The following ERCC8 variants were observed in gnomAD, a reference collection of about 807,000 sequenced individuals.
ERCC8 encodes ERCC excision repair 8, CSA ubiquitin ligase complex subunit.
ERCC8 carries 52 observed loss-of-function variants against 54.9 expected under a neutral mutation model. That is an observed-to-expected ratio of 0.95 (90% CI 0.76 to 1.19). The LOEUF is 1.19. Among genes scored for constraint, ERCC8 ranks in the 50% most tolerant of loss-of-function variants. ERCC8 has a pLI of 0.00. For synonymous variants in ERCC8, 146 were observed against 157.2 expected, an observed-to-expected ratio of 0.93 and a Z score of 0.53; for missense variants, 514 against 466.1, an observed-to-expected ratio of 1.10 and a Z score of -0.95.
intron 11 of ERCC8, among the ~76,000 whole-genome samples, chr5:60,886,492 A>C (rs1748393592): frequency 1.3e-5 from 2 of 152,146 alleles, no homozygotes. Flanking sequence ...ACTTGAGGTC[A>C]GGAGTTGAAG....
chr5:60,878,354 A>C (rs1748084104), intron 11 of ERCC8, among the ~76,000 whole-genome samples: 1 of 152,142 alleles, frequency 6.6e-6, no homozygotes, highest in Non-Finnish European at 1.5e-5. Flanking sequence ...TGTCTCTGCC[A>C]GGCTTTGGTA....
chr5:60,906,119 T>C (rs1211664952), intron 4 of ERCC8, among the ~76,000 whole-genome samples: 2 of 152,176 alleles, frequency 1.3e-5, no homozygotes, highest in Non-Finnish European at 2.9e-5. Flanking sequence ...AAGTTATATA[T>C]CTTGTGCCTC....
chr5:60,896,567 T>C (rs1192178120), intron 9 of ERCC8, among the ~76,000 whole-genome samples: 5 of 152,176 alleles, frequency 3.3e-5, no homozygotes, highest in Non-Finnish European at 7.3e-5. Context: ...TTCTATCTGA[T>C]AGCCCTTTAA....
chr5:60,921,236 G>C (rs1215433137), intron 3 of ERCC8, among the ~76,000 whole-genome samples: 1 of 151,866 alleles, frequency 6.6e-6, no homozygotes, highest in East Asian at 1.9e-4. Context: ...ACAAACAATA[G>C]CAAATCTCCT....
At chr5:60,903,572 A>T in intron 6 of ERCC8, 76 bp downstream of exon 6, 1 of 1,596,518 alleles carries the variant, frequency 6.3e-7, no homozygotes, top group African/African-American at 1.3e-5. Context: ...CTTACAAAGA[A>T]TACACTGTTA....
intron 11 of ERCC8, among the ~76,000 whole-genome samples, chr5:60,883,712 G>A (rs570137267): frequency 2.6e-5 from 4 of 152,166 alleles, no homozygotes; most frequent in Non-Finnish European, 5.9e-5. Context: ...TCAAAACAAA[G>A]TAAGATTCTT....
chr5:60,876,293 G>C (rs1021635317), intron 11 of ERCC8, among the ~76,000 whole-genome samples: 5 of 152,144 alleles, frequency 3.3e-5, no homozygotes, highest in Non-Finnish European at 5.9e-5. Flanking sequence ...TGGACATTTG[G>C]GTTGGTTCCA....
At chr5:60,937,473 C>T (rs530964280) in intron 1 of ERCC8, among the ~76,000 whole-genome samples, 4 of 152,280 alleles carry the variant, frequency 2.6e-5, no homozygotes, top group Non-Finnish European at 2.9e-5. Context: ...CTTGCCGCTG[C>T]TGCTGTGGTA....
Position 60,871,783 on chromosome 5 carries a change from A to C in ERCC8, c.*2832T>G, listed in dbSNP as rs1268695217. Among the ~76,000 whole-genome samples the C allele has an allele frequency of 6.6e-6, 1 of 152,108 alleles. No individual in the cohort carries two copies. Among genetic ancestry groups the C allele is most frequent in the Non-Finnish European group, 1.5e-5 (1 of 68,010 alleles). On this transcript the variant is annotated 3_prime_UTR_variant, in exon 12 of 12. Coordinates refer to ENST00000676185, the MANE Select transcript of ERCC8 (RefSeq NM_000082.4). ...TCCTTTTTCTTAAAAATAAATTTCCAATTTTAATAGCTTTTCTTTTCTTTT... is the reference window on the plus strand; with the variant it reads ...TCCTTTTTCTTAAAAATAAATTTCCCATTTTAATAGCTTTTCTTTTCTTTT...
At chr5:60,931,097 C>T (rs1460910137) in intron 1 of ERCC8, among the ~76,000 whole-genome samples, 1 of 146,202 alleles carries the variant, frequency 6.8e-6, no homozygotes, top group Non-Finnish European at 1.5e-5. Context: ...ACCTGGGTGA[C>T]AAAGCAAGCA....
intron 2 of ERCC8, among the ~76,000 whole-genome samples, chr5:60,922,762 C>A (rs1331818087): frequency 1.3e-5 from 2 of 152,100 alleles, no homozygotes; most frequent in Non-Finnish European, 2.9e-5. Context: ...AGACACTCTG[C>A]TAAAACAACT....
chr5:60,931,839 C>T (rs1393811041), intron 1 of ERCC8, among the ~76,000 whole-genome samples: 1 of 152,162 alleles, frequency 6.6e-6, no homozygotes, highest in East Asian at 1.9e-4. Context: ...CCTTCAGCTC[C>T]CTCTTCCTAA....
In ERCC8 at chr5:60,870,482, TAAAAAAAAAAAA is replaced by T. The variant is rs57423118; in HGVS notation, c.*4121_*4132del. On this transcript the variant is annotated 3_prime_UTR_variant, in exon 12 of 12. Transcript: ENST00000676185. ...CAACATGGTGAAACCCCACCTCTGCTAAAAAAAAAAAAAAAAAAAAAAAAAAAAAATTAGCCA... is the reference window on the plus strand; with the variant it reads ...CAACATGGTGAAACCCCACCTCTGCTAAAAAAAAAAAAAAAAAATTAGCCA... 1.8e-4 allele frequency among the ~76,000 whole-genome samples: 9 copies of T among 48,788 alleles called. No homozygotes were observed. Among genetic ancestry groups the T allele is most frequent in the African/African-American group, 8.0e-4 (8 of 10,058 alleles). 32.0% of individuals were successfully genotyped at this position (48,788 alleles called of 152,430 possible).
chr5:60,878,855 T>A (rs568507219), intron 11 of ERCC8, among the ~76,000 whole-genome samples: 1 of 152,240 alleles, frequency 6.6e-6, no homozygotes, highest in Non-Finnish European at 1.5e-5. Flanking sequence ...GGGTTTTTTG[T>A]GTCTCTATTT....
Position 60,898,343 on chromosome 5 carries a change from T to C in ERCC8, c.776A>G (p.His259Arg). 3.7e-6 allele frequency: 6 copies of C among 1,613,594 alleles called. No homozygotes were observed. Among genetic ancestry groups the C allele is most frequent in the Non-Finnish European group, 5.1e-6 (6 of 1,179,670 alleles). The change falls in exon 9 of 12, where the codon CAC becomes CGC. Residue 259 changes from histidine to arginine, a missense_variant. By Grantham distance (29) the His-to-Arg change is conservative. Transcript: ENST00000676185. ...NGLCFTSDGLHLLTVGTDNRM... is the reference protein window; with the variant it reads ...NGLCFTSDGLRLLTVGTDNRM... ...ATTATCTGTACCAACAGTGAGGAGGTGAAGTCCATCACTTGTAAAACATAA... is the reference window on the plus strand; with the variant it reads ...ATTATCTGTACCAACAGTGAGGAGGCGAAGTCCATCACTTGTAAAACATAA...
chr5:60,910,752 A>T (rs1225703058), intron 4 of ERCC8, among the ~76,000 whole-genome samples: 1 of 152,126 alleles, frequency 6.6e-6, no homozygotes, highest in Non-Finnish European at 1.5e-5. Flanking sequence ...ACTTATATTA[A>T]TTCTAATAAT....
At chr5:60,875,415 G>A (rs892930394) in intron 11 of ERCC8, among the ~76,000 whole-genome samples, 1 of 152,154 alleles carries the variant, frequency 6.6e-6, no homozygotes, top group African/African-American at 2.4e-5. Context: ...AAACAACAAG[G>A]TGATTAGCAA....
rs965417541 is a variant in ERCC8, at chr5:60,930,600, T to C, written c.78-1641A>G. Among the ~76,000 whole-genome samples, 4 of 151,618 alleles carry C rather than the reference T, an allele frequency of 2.6e-5. No homozygotes were observed. In the East Asian group the frequency reaches 7.8e-4, roughly 29 times the overall value. On this transcript the variant is annotated intron_variant, in intron 1 of 11. Transcript: ENST00000676185. The stretch of plus-strand genomic sequence containing the variant: ...AAACTAAAAAATGAGCCAGGCCTAG[T>C]GGCGTATGCCTGTAATCCCAGAGGC...
chr5:60,893,087 G>T (rs1748614137), intron 9 of ERCC8: 1 of 774,572 alleles, frequency 1.3e-6, no homozygotes, highest in Non-Finnish European at 2.4e-6. Context: ...TCTTTTTCAA[G>T]ACCAGGACCA....
Sources: gnomAD v4.1 joint callset for allele counts (sites outside exome capture counted in the v4.1 genomes callset) on GRCh38, gnomAD v4.1.1 for gene constraint, MANE v1.5 for transcripts, NCBI Gene and HGNC (gene_info 2026-07-23, HGNC 2026-07-21) for gene names.